SUCLG2: variants seen among roughly 807,000 people sequenced by gnomAD.
The protein encoded by SUCLG2 is succinate-CoA ligase GDP-forming subunit beta.
Under a neutral mutation model 47.9 loss-of-function variants are expected in SUCLG2, and 42 were observed. That is an observed-to-expected ratio of 0.88 (90% CI 0.69 to 1.14). SUCLG2 has a LOEUF of 1.14. Ranked by LOEUF, SUCLG2 falls within the 50% of genes most tolerant of loss-of-function variation. SUCLG2 has a pLI of 0.00. For missense variants in SUCLG2, 571 were observed against 525.9 expected (o/e 1.09, Z -0.84); for synonymous variants, 195 against 197.3 (o/e 0.99, Z 0.10).
intron 9 of SUCLG2, among the ~76,000 whole-genome samples, chr3:67,409,825 A>C (rs1335884313): frequency 6.6e-6 from 1 of 152,224 alleles, no homozygotes; most frequent in Non-Finnish European, 1.5e-5. Context: ...GACATCTTCC[A>C]TTAGGAATAC....
chr3:67,517,880 G>A (rs540955885), intron 6 of SUCLG2, among the ~76,000 whole-genome samples: 77 of 152,256 alleles, frequency 5.1e-4, no homozygotes, highest in African/African-American at 1.9e-3. Flanking sequence ...CTCGGGAGTT[G>A]TCATCATTCC....
At chr3:67,395,835 T>C (rs374885152) in intron 10 of SUCLG2, among the ~76,000 whole-genome samples, 9 of 152,220 alleles carry the variant, frequency 5.9e-5, no homozygotes, top group Admixed American at 5.9e-4. Flanking sequence ...CAGACCACAG[T>C]GCAATCAAAC....
intron 2 of SUCLG2, among the ~76,000 whole-genome samples, chr3:67,591,399 T>A (rs1400738674): frequency 2.0e-5 from 3 of 152,278 alleles, no homozygotes; most frequent in African/African-American, 4.8e-5. Flanking sequence ...ACAACTGATA[T>A]GGTTTTGCTG....
intron 2 of SUCLG2, among the ~76,000 whole-genome samples, chr3:67,556,957 C>G (rs1054333906): frequency 2.0e-5 from 3 of 152,122 alleles, no homozygotes; most frequent in Admixed American, 2.0e-4. Context: ...TAACATAAAT[C>G]GTAAAGTAGA....
chr3:67,529,228 CT>C (rs749188344), intron 2 of SUCLG2, 42 bp from the exon 3 acceptor site: 1 of 1,536,994 alleles, frequency 6.5e-7, no homozygotes. Context: ...ATTTTAAATT[CT>C]TTTTTTGTTT....
intron 2 of SUCLG2, among the ~76,000 whole-genome samples, chr3:67,599,683 G>A (rs563737348): frequency 1.1e-4 from 16 of 149,926 alleles, no homozygotes; most frequent in African/African-American, 3.7e-4. Flanking sequence ...CCATGCTGAA[G>A]TGACTGGTAT....
At chr3:67,488,609 T>C (rs903525067) in intron 9 of SUCLG2, among the ~76,000 whole-genome samples, 2 of 152,336 alleles carry the variant, frequency 1.3e-5, no homozygotes, top group Middle Eastern at 3.4e-3. Context: ...AACTTTCAGA[T>C]GCCCTGCCAC....
intron 1 of SUCLG2, among the ~76,000 whole-genome samples, chr3:67,611,598 G>C (rs962008831): frequency 1.3e-5 from 2 of 152,044 alleles, no homozygotes; most frequent in African/African-American, 4.8e-5. Context: ...AAGGCAAATA[G>C]GAACAATCAA....
chr3:67,647,999 A>G (rs1701220465), intron 1 of SUCLG2, among the ~76,000 whole-genome samples: 2 of 152,236 alleles, frequency 1.3e-5, no homozygotes, highest in Admixed American at 6.5e-5. Flanking sequence ...AAAGCCTTTT[A>G]AAAAGACCAG....
chr3:67,593,385 G>A (rs986868464), intron 2 of SUCLG2, among the ~76,000 whole-genome samples: 1 of 151,408 alleles, frequency 6.6e-6, no homozygotes, highest in African/African-American at 2.4e-5. Flanking sequence ...ATATTCAATT[G>A]GTCTAACACA....
At chr3:67,631,399 GGGTGGATT>G (rs1700923344) in intron 1 of SUCLG2, among the ~76,000 whole-genome samples, 1 of 152,156 alleles carries the variant, frequency 6.6e-6, no homozygotes, top group Non-Finnish European at 1.5e-5. Flanking sequence ...AGGCCGAGGT[GGGTGGATT>G]CCTTGAGGCC....
At chr3:67,462,304 G>A (rs1008939794) in intron 9 of SUCLG2, among the ~76,000 whole-genome samples, 3 of 151,988 alleles carry the variant, frequency 2.0e-5, no homozygotes, top group South Asian at 4.2e-4. Context: ...CCTCATTTCC[G>A]AAGGGGTCCT....
intron 6 of SUCLG2, chr3:67,514,109 G>C (rs892139453): frequency 6.3e-6 from 2 of 317,238 alleles, no homozygotes; most frequent in Admixed American, 4.1e-5. Context: ...CCTAACTGCT[G>C]ACGGCTCATT....
At chr3:67,567,895 T>C (rs1707502119) in intron 2 of SUCLG2, among the ~76,000 whole-genome samples, 1 of 152,204 alleles carries the variant, frequency 6.6e-6, no homozygotes, top group Admixed American at 6.5e-5. Flanking sequence ...TCAATTGTAC[T>C]TGACTCTAAA....
At chr3:67,541,900 C>G (rs1186605455) in intron 2 of SUCLG2, among the ~76,000 whole-genome samples, 1 of 150,272 alleles carries the variant, frequency 6.7e-6, no homozygotes, top group Non-Finnish European at 1.5e-5. Context: ...CGGAGTTTTG[C>G]TCTTGTTGCC....
At chr3:67,652,321 T>C (rs1180628763) in intron 1 of SUCLG2, among the ~76,000 whole-genome samples, 1 of 152,234 alleles carries the variant, frequency 6.6e-6, no homozygotes, top group Non-Finnish European at 1.5e-5. Context: ...TTTATTTCTG[T>C]ACAGACAACA....
chr3:67,633,303 A>C (rs1700957537), intron 1 of SUCLG2, among the ~76,000 whole-genome samples: 1 of 152,240 alleles, frequency 6.6e-6, no homozygotes, highest in Non-Finnish European at 1.5e-5. Flanking sequence ...TGTATCCATT[A>C]AATATTTATT....
At chr3:67,390,934 T>C (rs888171278) in intron 10 of SUCLG2, among the ~76,000 whole-genome samples, 10 of 152,208 alleles carry the variant, frequency 6.6e-5, no homozygotes, top group Non-Finnish European at 1.5e-4. Context: ...CTCAGATATG[T>C]CTGAAGAGGA....
At chr3:67,521,218 G>A (rs1008480548) in intron 4 of SUCLG2, among the ~76,000 whole-genome samples, 7 of 152,190 alleles carry the variant, frequency 4.6e-5, no homozygotes, top group African/African-American at 1.4e-4. Context: ...AGTGAAAGCA[G>A]CTTCCTGCTG....
Sources: allele counts gnomAD v4.1 joint callset (sites outside exome capture counted in the v4.1 genomes callset), GRCh38; gene constraint gnomAD v4.1.1; transcripts MANE v1.5; gene names NCBI Gene and HGNC (gene_info 2026-07-23, HGNC 2026-07-21).